Variants in MMS22L observed in about 807,000 individuals in gnomAD.
MMS22L encodes the protein MMS22 like, DNA repair protein.
Under a neutral mutation model 159.1 loss-of-function variants are expected in MMS22L, and 74 were observed. That is an observed-to-expected ratio of 0.47 (90% CI 0.39 to 0.56). The LOEUF (loss-of-function observed/expected upper bound fraction) is 0.56, where lower values mean the gene tolerates loss of function less well. MMS22L is among the 20% of genes least tolerant of loss of function. The probability of loss-of-function intolerance (pLI) is 0.00; values close to 1 mark genes in which losing one functional copy is unlikely to be tolerated. For missense variants in MMS22L, 1,351 were observed against 1,422.1 expected, an observed-to-expected ratio of 0.95 and a Z score of 0.80; for synonymous variants, 517 against 506.9, an observed-to-expected ratio of 1.02 and a Z score of -0.27.
At chr6:97,216,101 A>C (rs1000694317) in intron 14 of MMS22L, among the ~76,000 whole-genome samples, 22 of 152,324 alleles carry the variant, frequency 1.4e-4, no homozygotes, top group African/African-American at 5.1e-4. Flanking sequence ...CGGATGAAGA[A>C]AGCTAAGAAC....
At chr6:97,176,078 C>A (rs947208337) in intron 18 of MMS22L, among the ~76,000 whole-genome samples, 1 of 152,092 alleles carries the variant, frequency 6.6e-6, no homozygotes, top group East Asian at 1.9e-4. Context: ...AGAGTCAAAA[C>A]GTAATAAAAT....
chr6:97,166,560 G>A (rs574706241), intron 20 of MMS22L, among the ~76,000 whole-genome samples: 2 of 151,668 alleles, frequency 1.3e-5, no homozygotes, highest in Admixed American at 6.6e-5. Flanking sequence ...TGTTTCTTGA[G>A]TAGTTTAAGG....
intron 13 of MMS22L, among the ~76,000 whole-genome samples, chr6:97,229,983 G>C (rs959136516): frequency 6.6e-6 from 1 of 152,094 alleles, no homozygotes; most frequent in African/African-American, 2.4e-5. Context: ...TGACAAAATA[G>C]TACAATAGAT....
chr6:97,191,802 A>G (rs945662716), intron 14 of MMS22L, among the ~76,000 whole-genome samples: 5 of 152,150 alleles, frequency 3.3e-5, no homozygotes, highest in African/African-American at 1.2e-4. Context: ...AACAGGGCTT[A>G]CTCTGCCTTA....
intron 15 of MMS22L, among the ~76,000 whole-genome samples, chr6:97,184,698 C>T (rs1805046576): frequency 6.6e-6 from 1 of 152,068 alleles, no homozygotes; most frequent in African/African-American, 2.4e-5. Context: ...TTCTCACCAC[C>T]TCTACTGCCA....
At chr6:97,272,921 G>T (rs770398661) in intron 5 of MMS22L, 40 bp from the exon 6 acceptor site, 12 of 1,606,920 alleles carry the variant, frequency 7.5e-6, no homozygotes, top group Non-Finnish European at 9.3e-6. Flanking sequence ...TAGAGTCTGT[G>T]TGAATACACA....
intron 15 of MMS22L, 22 bp downstream of exon 15, chr6:97,186,475 C>T (rs746434246): frequency 1.1e-5 from 18 of 1,592,340 alleles, no homozygotes; most frequent in Non-Finnish European, 1.4e-5. Context: ...GAGAAATTAG[C>T]AAATTAATAA....
chr6:97,202,247 T>C (rs1377031214), intron 14 of MMS22L, among the ~76,000 whole-genome samples: 1 of 152,178 alleles, frequency 6.6e-6, no homozygotes, highest in African/African-American at 2.4e-5. Context: ...TTCCTAGGAA[T>C]TTTAAACTAG....
At chr6:97,218,706 T>A (rs940816170) in intron 14 of MMS22L, among the ~76,000 whole-genome samples, 6 of 152,156 alleles carry the variant, frequency 3.9e-5, no homozygotes, top group African/African-American at 1.4e-4. Context: ...GAATAGAGAT[T>A]ATTCAAGACT....
At chr6:97,193,349 G>A (rs1027987640) in intron 14 of MMS22L, among the ~76,000 whole-genome samples, 15 of 152,150 alleles carry the variant, frequency 9.9e-5, no homozygotes, top group African/African-American at 2.9e-4. Flanking sequence ...TAAAAGGGGT[G>A]AAGTGCCTAA....
chr6:97,214,875 G>A (rs573872159), intron 14 of MMS22L, among the ~76,000 whole-genome samples: 43 of 150,602 alleles, frequency 2.9e-4, no homozygotes, highest in African/African-American at 1.0e-3. Flanking sequence ...TTAGTTGTTT[G>A]CACAGTCCTG....
intron 23 of MMS22L, among the ~76,000 whole-genome samples, chr6:97,150,530 T>C (rs1463816386): frequency 6.6e-6 from 1 of 152,152 alleles, no homozygotes; most frequent in Non-Finnish European, 1.5e-5. Flanking sequence ...AAAAATTCTA[T>C]ATTTAGCCTT....
At chr6:97,220,212 G>C (rs188561118) in intron 14 of MMS22L, among the ~76,000 whole-genome samples, 1 of 152,222 alleles carries the variant, frequency 6.6e-6, no homozygotes, top group African/African-American at 2.4e-5. Context: ...AGAAAGACTT[G>C]GGGATTTCTT....
chr6:97,235,300 A>C lies in MMS22L; in HGVS notation c.1183-1320T>G, dbSNP rs184579594. ...AATGGTGCTATTTCCTGAAATGGCAAAGACTAAAGGAAGAACTTATGAGGT... is the reference window on the plus strand; with the variant it reads ...AATGGTGCTATTTCCTGAAATGGCACAGACTAAAGGAAGAACTTATGAGGT... On this transcript the variant is annotated intron_variant, in intron 11 of 24. Coordinates refer to ENST00000683635, the MANE Select transcript of MMS22L (RefSeq NM_001350599.2). 5.7e-3 allele frequency among the ~76,000 whole-genome samples: 867 copies of C among 152,324 alleles called. 4 individuals are homozygous for C. The highest frequency in any genetic ancestry group is 0.013 in the South Asian group (63 of 4,826).
intron 14 of MMS22L, among the ~76,000 whole-genome samples, chr6:97,190,445 G>T (rs1805748938): frequency 1.3e-5 from 2 of 152,080 alleles, no homozygotes; most frequent in Admixed American, 1.3e-4. Context: ...GGAAATACAA[G>T]ATCAGATAAG....
chr6:97,280,183 T>C (rs1582886200), intron 3 of MMS22L, among the ~76,000 whole-genome samples: 1 of 152,206 alleles, frequency 6.6e-6, no homozygotes, highest in African/African-American at 2.4e-5. Flanking sequence ...TCCTTCCACC[T>C]CTCCATTTTC....
At chr6:97,149,616 G>A (rs924648988) in intron 24 of MMS22L, among the ~76,000 whole-genome samples, 7 of 152,076 alleles carry the variant, frequency 4.6e-5, no homozygotes, top group Admixed American at 6.6e-5. Flanking sequence ...TTTCTAAAGC[G>A]GTCACTTTGA....
intron 14 of MMS22L, among the ~76,000 whole-genome samples, chr6:97,224,468 T>C (rs1044882772): frequency 2.6e-5 from 4 of 151,798 alleles, no homozygotes; most frequent in African/African-American, 9.7e-5. Context: ...AGGGTTGGAA[T>C]AGTACTAAAA....
intron 14 of MMS22L, among the ~76,000 whole-genome samples, chr6:97,211,009 A>G (rs542161870): frequency 6.6e-6 from 1 of 152,142 alleles, no homozygotes; most frequent in Admixed American, 6.5e-5. Context: ...GCATGATAGT[A>G]TAAATGCTTT....
Sources: allele counts gnomAD v4.1 joint callset (sites outside exome capture counted in the v4.1 genomes callset), GRCh38; gene constraint gnomAD v4.1.1; transcripts MANE v1.5; gene names NCBI Gene and HGNC (gene_info 2026-07-23, HGNC 2026-07-21).